The following CSGALNACT1 variants were observed in gnomAD, a reference collection of about 807,000 sequenced individuals.
CSGALNACT1 encodes chondroitin sulfate N-acetylgalactosaminyltransferase 1, also known as beta4GalNAcT-1.
A neutral mutation model predicts 51.0 loss-of-function variants in CSGALNACT1; 52 were observed. The ratio of observed to expected loss-of-function variants is 1.02; its 90% CI spans 0.82 to 1.29. The LOEUF is 1.29. Ranked by LOEUF, CSGALNACT1 falls within the 50% of genes most tolerant of loss-of-function variation. The pLI is 0.00. For missense variants in CSGALNACT1, 935 were observed against 679.2 expected (o/e 1.38, Z -4.19); for synonymous variants, 341 against 254.4 (o/e 1.34, Z -3.24).
intron 5 of CSGALNACT1, among the ~76,000 whole-genome samples, chr8:19,449,262 T>C (rs1399692687): frequency 2.0e-5 from 3 of 152,210 alleles, no homozygotes; most frequent in South Asian, 2.1e-4. Context: ...GAAACCGTTA[T>C]CTAAATACAT....
rs143059482 is a variant in CSGALNACT1 at position 19,747,222 on chromosome 8, G to A, written c.-297+10628C>T. On this transcript the variant is annotated intron_variant, in intron 1 of 1. Transcript: ENST00000517494. ...TAGCCAGCAAATAATTCCTGCAGTTGGTTCAAGAGGTCAATGTCTTGAGTA... is the reference window on the plus strand; with the variant it reads ...TAGCCAGCAAATAATTCCTGCAGTTAGTTCAAGAGGTCAATGTCTTGAGTA... Among the ~76,000 whole-genome samples, 327 of 152,132 alleles carry A rather than the reference G, an allele frequency of 2.1e-3. 6 individuals carry two copies. The highest frequency in any genetic ancestry group is 0.016 in the Admixed American group (252 of 15,274).
At chr8:19,673,544 G>C (rs1022096549) in intron 1 of CSGALNACT1, among the ~76,000 whole-genome samples, 2 of 152,168 alleles carry the variant, frequency 1.3e-5, no homozygotes, top group African/African-American at 4.8e-5. Context: ...TGCACCACAG[G>C]AGAAAAGAGT....
At chr8:19,689,716 T>C (rs1156778829) in intron 1 of CSGALNACT1, among the ~76,000 whole-genome samples, 1 of 152,196 alleles carries the variant, frequency 6.6e-6, no homozygotes, top group African/African-American at 2.4e-5. Context: ...CATGCTAAAG[T>C]TCCACATCAC....
chr8:19,513,610 T>G (rs2078922441), intron 3 of CSGALNACT1, among the ~76,000 whole-genome samples: 1 of 151,762 alleles, frequency 6.6e-6, no homozygotes, highest in Non-Finnish European at 1.5e-5. Flanking sequence ...GAAAGAAAAA[T>G]GTTCTGAGAG....
chr8:19,549,915 T>C (rs1160713491), intron 3 of CSGALNACT1, among the ~76,000 whole-genome samples: 1 of 152,160 alleles, frequency 6.6e-6, no homozygotes, highest in Non-Finnish European at 1.5e-5. Flanking sequence ...GAATGTTTGC[T>C]GAGCCTTTGT....
At chr8:19,442,574 G>A (rs370411578) in intron 5 of CSGALNACT1, among the ~76,000 whole-genome samples, 109 of 139,144 alleles carry the variant, frequency 7.8e-4, no homozygotes, top group African/African-American at 2.3e-3. Context: ...CTGTTGTGGC[G>A]TTGGGGGAGG....
chr8:19,520,614 T>C (rs535065227), intron 3 of CSGALNACT1, among the ~76,000 whole-genome samples: 127 of 152,360 alleles, frequency 8.3e-4, no homozygotes, highest in African/African-American at 2.9e-3. Flanking sequence ...TATGCACAGA[T>C]AGATGCCACA....
At chr8:19,544,448 T>C (rs1364537795) in intron 3 of CSGALNACT1, among the ~76,000 whole-genome samples, 1 of 152,210 alleles carries the variant, frequency 6.6e-6, no homozygotes, top group Non-Finnish European at 1.5e-5. Context: ...GACATTTTTA[T>C]TTTTTTCTCC....
intron 1 of CSGALNACT1, among the ~76,000 whole-genome samples, chr8:19,617,033 T>C (rs1047575741): frequency 1.3e-5 from 2 of 152,206 alleles, no homozygotes; most frequent in African/African-American, 2.4e-5. Context: ...TGTTGAATTA[T>C]TGGGAGCCCT....
At chr8:19,459,851 G>A (rs1185780138) in intron 4 of CSGALNACT1, among the ~76,000 whole-genome samples, 1 of 152,196 alleles carries the variant, frequency 6.6e-6, no homozygotes, top group Non-Finnish European at 1.5e-5. Flanking sequence ...TAGAGAGGCA[G>A]GAGAGAAGTC....
At chr8:19,406,306 T>C (rs1053332122) in intron 9 of CSGALNACT1, among the ~76,000 whole-genome samples, 1 of 151,514 alleles carries the variant, frequency 6.6e-6, no homozygotes, top group East Asian at 1.9e-4. Flanking sequence ...TCCAAGAAAA[T>C]TCCAAGCATT....
upstream of CSGALNACT1, among the ~76,000 whole-genome samples, chr8:19,685,068 G>T (rs564514585): frequency 2.0e-5 from 3 of 152,224 alleles, no homozygotes; most frequent in Middle Eastern, 3.4e-3. Context: ...ATGGTAAAGA[G>T]CACAAACTTT....
At chr8:19,653,824 C>T (rs971809965) in intron 1 of CSGALNACT1, among the ~76,000 whole-genome samples, 3 of 151,856 alleles carry the variant, frequency 2.0e-5, no homozygotes, top group Non-Finnish European at 4.4e-5. Context: ...TTCAGCTGTA[C>T]ATTTCTGTAC....
intron 3 of CSGALNACT1, among the ~76,000 whole-genome samples, chr8:19,549,579 G>A (rs1414186852): frequency 6.6e-6 from 1 of 151,150 alleles, no homozygotes; most frequent in African/African-American, 2.4e-5. Flanking sequence ...CCTGACACAG[G>A]TGATGTTCAA....
chr8:19,532,022 T>C (rs770042442), intron 3 of CSGALNACT1: 1 of 152,130 alleles, frequency 6.6e-6, no homozygotes. Flanking sequence ...TTCTTTCCTA[T>C]TCTAAGGAAA....
At position 19,552,881 on chromosome 8, in the gene CSGALNACT1, A is replaced by G. The variant is rs564824947; in HGVS notation, c.-297+38279T>C. ...ACTGCAAACAGGTACTCCTTCAAAA[A>G]CGTACTAAGAACAGGAGAGTGGCTG... On this transcript the variant is annotated intron_variant, in intron 3 of 9. Coordinates refer to ENST00000454498, the Ensembl canonical transcript of CSGALNACT1. Among the ~76,000 whole-genome samples, 73 of 152,228 alleles carry G rather than the reference A, an allele frequency of 4.8e-4. 1 individual carries two copies. The highest frequency in any genetic ancestry group is 2.9e-4 in the Non-Finnish European group (20 of 68,022).
chr8:19,651,164 T>C (rs1219923112), intron 1 of CSGALNACT1, among the ~76,000 whole-genome samples: 1 of 152,202 alleles, frequency 6.6e-6, no homozygotes, highest in African/African-American at 2.4e-5. Context: ...ATAGATCATG[T>C]TCCAATAAAA....
At chr8:19,700,184 A>G (rs2061787224) in intron 1 of CSGALNACT1, among the ~76,000 whole-genome samples, 2 of 152,012 alleles carry the variant, frequency 1.3e-5, no homozygotes, top group South Asian at 4.1e-4. Flanking sequence ...ATAAGGCACA[A>G]TGATGTTAAG....
intron 1 of CSGALNACT1, among the ~76,000 whole-genome samples, chr8:19,736,256 A>G (rs2063964235): frequency 6.6e-6 from 1 of 152,190 alleles, no homozygotes; most frequent in Admixed American, 6.5e-5. Flanking sequence ...TTTTATTAGA[A>G]TATCATTCAT....
Sources: gnomAD v4.1 joint callset for allele counts (sites outside exome capture counted in the v4.1 genomes callset) on GRCh38, gnomAD v4.1.1 for gene constraint, MANE v1.5 for transcripts, NCBI Gene and HGNC (gene_info 2026-07-23, HGNC 2026-07-21) for gene names.